Variants in LDHAL6A observed in about 807,000 individuals in gnomAD.
The protein encoded by LDHAL6A is L-lactate dehydrogenase A-like 6A.
LDHAL6A carries 19 observed loss-of-function variants against 28.2 expected under a neutral mutation model. That is an observed-to-expected ratio of 0.67 (90% CI 0.47 to 0.99). The LOEUF (loss-of-function observed/expected upper bound fraction) is 0.99. Ranked by LOEUF, LDHAL6A falls within the 50% of genes least tolerant of loss-of-function variation. The pLI is 0.00. For missense variants in LDHAL6A, 372 were observed against 398.6 expected (o/e 0.93, Z 0.57); for synonymous variants, 144 against 134.4 (o/e 1.07, Z -0.49).
chr11:18,470,134 A>T (rs1368957272), intron 3 of LDHAL6A, among the ~76,000 whole-genome samples: 4 of 152,166 alleles, frequency 2.6e-5, no homozygotes, highest in African/African-American at 9.7e-5. Context: ...TTACCATGTT[A>T]GGCTGGTCTT....
chr11:18,467,106 TTA>T (rs1245476105), intron 3 of LDHAL6A, among the ~76,000 whole-genome samples: 3 of 152,190 alleles, frequency 2.0e-5, no homozygotes, highest in African/African-American at 7.2e-5. Context: ...CAGCTAGAGA[TTA>T]TGAGTCTGGA....
chr11:18,463,012 A>G (rs996398243), intron 1 of LDHAL6A, among the ~76,000 whole-genome samples: 3 of 151,756 alleles, frequency 2.0e-5, no homozygotes, highest in Non-Finnish European at 4.4e-5. Context: ...ATAAAGTAGC[A>G]TCATAGAAAT....
At chr11:18,463,729 C>T (rs1848981433) in intron 1 of LDHAL6A, among the ~76,000 whole-genome samples, 1 of 152,160 alleles carries the variant, frequency 6.6e-6, no homozygotes, top group Non-Finnish European at 1.5e-5. Context: ...ATTTACTAAG[C>T]AGTTTCTGTT....
chr11:18,474,424 G>T (rs574380133), intron 3 of LDHAL6A, among the ~76,000 whole-genome samples: 3 of 148,942 alleles, frequency 2.0e-5, no homozygotes, highest in Admixed American at 6.7e-5. Flanking sequence ...GAGTCTTGCT[G>T]TTGCTAGGCT....
At position 18,474,501 on chromosome 11, in the gene LDHAL6A, C is replaced by A. The variant is rs191496326; in HGVS notation, c.419-965C>A. Among the ~76,000 whole-genome samples the A allele has an allele frequency of 2.6e-3, 399 of 152,262 alleles. 2 individuals are homozygous for A. The highest frequency in any genetic ancestry group is 9.4e-3 in the African/African-American group (391 of 41,556). ...TCCCGGGTTCAAGCAATTCTCCTGC[C>A]TCAGTCTCCCAAATAGCTGGGACTA... On this transcript the variant is annotated intron_variant, in intron 3 of 6. Transcript: ENST00000280706.
intron 1 of LDHAL6A, among the ~76,000 whole-genome samples, chr11:18,457,815 G>A (rs1186963945): frequency 6.6e-6 from 1 of 152,080 alleles, no homozygotes; most frequent in East Asian, 1.9e-4. Context: ...TAACAGATGT[G>A]AGCCACCTTG....
At position 18,464,975 on chromosome 11, in the gene LDHAL6A, TTG is replaced by T. The variant is rs1491377818; in HGVS notation, c.245-660_245-659del. 8.3e-4 allele frequency among the ~76,000 whole-genome samples: 7 copies of T among 8,426 alleles called. No homozygotes were observed. In the East Asian group the frequency reaches 0.071, roughly 86 times the overall value. The allele number at this position is 8,426 out of a possible 152,430, so 5.5% of individuals were successfully genotyped here. ...TATTTTAGGAGGTGAGGTGTTTTTT[TTG>T]TTTTTTTTTGTTTTGTTTTGTTTTG... On this transcript the variant is annotated intron_variant, in intron 2 of 6. Coordinates refer to ENST00000280706, the MANE Select transcript of LDHAL6A (RefSeq NM_144972.5).
chr11:18,460,558 A>C (rs1848871541), intron 1 of LDHAL6A, among the ~76,000 whole-genome samples: 1 of 146,778 alleles, frequency 6.8e-6, no homozygotes, highest in South Asian at 2.1e-4. Flanking sequence ...GCACCATTGC[A>C]CTCCACCCTG....
rs1364728407 is a variant in LDHAL6A at position 18,468,044 on chromosome 11, TATACGTATATATATATAC to T, written c.418+2238_418+2255del. On this transcript the variant is annotated intron_variant, in intron 3 of 6. Coordinates refer to ENST00000280706, the MANE Select transcript of LDHAL6A (RefSeq NM_144972.5). ...ATATACGTATATATATATACATATA[TATACGTATATATATATAC>T]ATATATATATATATATTTTGCTTGT... 2.7e-3 allele frequency among the ~76,000 whole-genome samples: 36 copies of T among 13,576 alleles called. 2 individuals are homozygous for T. Among genetic ancestry groups the T allele is most frequent in the South Asian group, 5.0e-3 (1 of 200 alleles). The allele number at this position is 13,576 out of a possible 152,430, so 8.9% of individuals were successfully genotyped here.
Position 18,465,807 on chromosome 11 carries a change from C to G in LDHAL6A, c.415C>G (p.Pro139Ala), listed in dbSNP as rs779071646. The G allele has an allele frequency of 1.2e-6, 2 of 1,609,828 alleles. No homozygotes were observed. The highest frequency in any genetic ancestry group is 3.4e-5 in the Admixed American group (2 of 59,338). Residue 139 changes from proline (P) to alanine (A), a missense_variant, in exon 3 of 7, where the codon CCA becomes GCA. This residue lies in a region of LDHAL6A where 291 missense variants were observed against 302.9 expected (regional missense o/e 0.96). Transcript: ENST00000280706. ...PHCKLLIVTN[P>A]VDILTYVAWK... is the part of the protein sequence containing the mutation. ...CTGCAAACTGCTTATTGTTACTAAT[C>G]CAGGTCAGCTTTGTTGTTTTAAATT...
At chr11:18,462,478 A>C (rs912147402) in intron 1 of LDHAL6A, among the ~76,000 whole-genome samples, 1 of 151,764 alleles carries the variant, frequency 6.6e-6, no homozygotes, top group Admixed American at 6.6e-5. Context: ...TCTACTAAAA[A>C]TACAAAAAAT....
intron 3 of LDHAL6A, among the ~76,000 whole-genome samples, chr11:18,473,967 ATATC>A (rs571026954): frequency 4.9e-4 from 75 of 152,320 alleles, no homozygotes; most frequent in African/African-American, 1.7e-3. Flanking sequence ...TAAAATGATC[ATATC>A]TATCTTTTTC....
At chr11:18,462,061 A>T (rs1291043877) in intron 1 of LDHAL6A, among the ~76,000 whole-genome samples, 1 of 151,874 alleles carries the variant, frequency 6.6e-6, no homozygotes, top group Admixed American at 6.6e-5. Flanking sequence ...TGTCCCAGCT[A>T]CCCAGAAGGC....
intron 3 of LDHAL6A, 56 bp downstream of exon 3, chr11:18,465,866 G>T: frequency 2.1e-6 from 3 of 1,399,848 alleles, no homozygotes; most frequent in East Asian, 2.3e-5. Flanking sequence ...CACTGTGTAG[G>T]TTCATTACAT....
chr11:18,466,933 CGA>C (rs1257140356), intron 3 of LDHAL6A, among the ~76,000 whole-genome samples: 1 of 152,044 alleles, frequency 6.6e-6, no homozygotes, highest in Non-Finnish European at 1.5e-5. Context: ...AAAATAACTT[CGA>C]GAGTTTTTCC....
Position 18,456,586 on chromosome 11 carries a change from C to G in LDHAL6A, c.-95C>G, listed in dbSNP as rs1411501439. ...CACACGGGCCCAGGAGTTCTCTATA[C>G]GCGCTCTCACCGCAGGTCTTGGAAT... On this transcript the variant is annotated 5_prime_UTR_variant, in exon 1 of 7. It introduces an in-frame stop codon into an upstream open reading frame of the 5' UTR. Coordinates refer to ENST00000280706, the MANE Select transcript of LDHAL6A (RefSeq NM_144972.5). 8.8e-7 allele frequency: 1 copy of G among 1,142,720 alleles called. No homozygotes were observed. The highest frequency in any genetic ancestry group is 1.3e-6 in the Non-Finnish European group (1 of 772,852). The allele number at this position is 1,142,720 out of a possible 1,614,324, so 70.8% of individuals were successfully genotyped here.
intron 3 of LDHAL6A, among the ~76,000 whole-genome samples, chr11:18,468,077 ATT>A (rs71050604): frequency 1.6e-5 from 2 of 127,450 alleles, no homozygotes; most frequent in Admixed American, 8.4e-5. Context: ...ATATATATAT[ATT>A]TTGCTTGTCT....
rs567648987 is a variant in LDHAL6A, at chr11:18,474,862, A to G, written c.419-604A>G. 4.6e-5 allele frequency among the ~76,000 whole-genome samples: 7 copies of G among 152,158 alleles called. No individual in the cohort carries two copies. In the East Asian group the frequency reaches 5.8e-4, roughly 13 times the overall value. On this transcript the variant is annotated intron_variant, in intron 3 of 6. Transcript: ENST00000280706. ...AAAAATAATTTTTTCCTACTATTCAATGCTCTTTGCTTCCTTCTATTTTAT... is the reference window on the plus strand; with the variant it reads ...AAAAATAATTTTTTCCTACTATTCAGTGCTCTTTGCTTCCTTCTATTTTAT...
At chr11:18,473,980 T>G (rs184568511) in intron 3 of LDHAL6A, among the ~76,000 whole-genome samples, 1 of 152,368 alleles carries the variant, frequency 6.6e-6, no homozygotes, top group East Asian at 1.9e-4. Flanking sequence ...TCTATCTTTT[T>G]CTTTAAATCT....
Sources: gnomAD v4.1 joint callset for allele counts (sites outside exome capture counted in the v4.1 genomes callset) on GRCh38, gnomAD v4.1.1 for gene constraint, gnomAD v4.1.1 regional missense constraint, MANE v1.5 for transcripts, NCBI Gene and HGNC (gene_info 2026-07-23, HGNC 2026-07-21) for gene names.